Variants in HMG20B observed in about 807,000 individuals in gnomAD.
The protein encoded by HMG20B is high mobility group 20B, also known as SWI/SNF-related matrix-associated actin-dependent regulator of chromatin subfamily E member 1-related.
A neutral mutation model predicts 41.6 loss-of-function variants in HMG20B; 24 were observed. The observed-to-expected ratio is 0.58, with a 90% CI of 0.42 to 0.81. HMG20B has a LOEUF of 0.81. Ranked by LOEUF, HMG20B falls within the 30% of genes least tolerant of loss-of-function variation. The pLI, the probability that HMG20B is intolerant of heterozygous loss-of-function variation, is 0.00. For synonymous variants in HMG20B, 251 were observed against 186.6 expected (o/e 1.34, Z -2.81); for missense variants, 461 against 444.0 (o/e 1.04, Z -0.34).
At position 3,573,335 on chromosome 19, in the gene HMG20B, G is replaced by T; in HGVS notation, c.26G>T (p.Gly9Val). 3 of 1,535,512 alleles carry T rather than the reference G, an allele frequency of 2.0e-6. No individual in the cohort carries two copies. Among genetic ancestry groups the T allele is most frequent in the Non-Finnish European group, 2.6e-6 (3 of 1,143,642 alleles). The change falls in exon 2 of 10, where the codon GGC (glycine) becomes GTC (valine). Residue 9 changes from glycine to valine, a missense_variant. By Grantham distance (109) the Gly-to-Val change is moderately radical. This residue lies in a region of HMG20B where 104 missense variants were observed against 76.5 expected (regional missense o/e 1.36). Transcript: ENST00000333651. ...ATGTCCCACGGCCCCAAGCAGCCCGGCGCGGCCGCCGCGTGAGTGCACTGA... is the reference window on the plus strand; with the variant it reads ...ATGTCCCACGGCCCCAAGCAGCCCGTCGCGGCCGCCGCGTGAGTGCACTGA... Reference protein sequence around the residue: MSHGPKQPGAAAAPAGGKA... With the variant: MSHGPKQPVAAAAPAGGKA...
intron 3 of HMG20B, chr19:3,574,143 A>C: frequency 1.6e-6 from 1 of 615,366 alleles, no homozygotes; most frequent in Non-Finnish European, 2.9e-6. Context: ...GTCAACGCCA[A>C]CCCTGTACTC....
chr19:3,573,847 C>A, intron 3 of HMG20B, 47 bp downstream of exon 3: 1 of 1,500,126 alleles, frequency 6.7e-7, no homozygotes, highest in East Asian at 2.4e-5. Context: ...GCTCCCGCCC[C>A]AGCCTCGAAG....
chr19:3,575,369 C>T, intron 4 of HMG20B, 171 bp from the exon 5 acceptor site: 2 of 1,142,392 alleles, frequency 1.8e-6, no homozygotes, highest in South Asian at 1.6e-5. Context: ...GAGGTGGGAG[C>T]TCGGAGGTCC....
chr19:3,575,998 C>T, intron 5 of HMG20B: 1 of 563,324 alleles, frequency 1.8e-6, no homozygotes, highest in Non-Finnish European at 3.1e-6. Flanking sequence ...CCGGTGCGAG[C>T]AGTTGGGGTC....
chr19:3,573,034 G>T, intron 1 of HMG20B, 40 bp downstream of exon 1: 1 of 408,332 alleles, frequency 2.4e-6, no homozygotes, highest in Non-Finnish European at 4.4e-6. Context: ...GAGAGGGGGC[G>T]GGGGTGCAGG....
rs1460454094 is a variant in HMG20B, at chr19:3,573,694, C to T, written c.41C>T (p.Pro14Leu). The T allele has an allele frequency of 3.3e-6, 5 of 1,501,176 alleles. No individual in the cohort carries two copies. The African/African-American group carries it at 5.7e-5, about 17-fold the overall frequency. 93.0% of individuals were successfully genotyped at this position (1,501,176 alleles called of 1,614,324 possible). The change falls in exon 3 of 10, where the codon CCG (proline) becomes CTG (leucine). Residue 14 changes from proline (P) to leucine (L), a missense_variant and splice_region_variant. By Grantham distance (98) the Pro-to-Leu change is moderately conservative (BLOSUM62 -3). Coordinates refer to ENST00000333651, the MANE Select transcript of HMG20B (RefSeq NM_006339.3). The part of the protein sequence containing the change: ...GPKQPGAAAA[P>L]AGGKAPGQHG... ...GACCGCGGTATCCTTGGCTCCAGGC[C>T]GGCGGGCGGCAAGGCTCCGGGCCAG... is the stretch of plus-strand genomic sequence containing the variant.
chr19:3,575,297 T>A (rs936201891), intron 4 of HMG20B, among the ~76,000 whole-genome samples: 1 of 152,090 alleles, frequency 6.6e-6, no homozygotes, highest in Non-Finnish European at 1.5e-5. Flanking sequence ...TGCCCATGAC[T>A]CTGGCGTCCG....
intron 3 of HMG20B, 98 bp downstream of exon 3, chr19:3,573,898 C>A: frequency 8.8e-7 from 1 of 1,135,526 alleles, no homozygotes; most frequent in Non-Finnish European, 1.3e-6. Flanking sequence ...TGGCTCCGCC[C>A]ACAGCCCATT....
At chr19:3,578,353 A>C (rs1012360008) in intron 9 of HMG20B, 156 bp from the exon 10 acceptor site, 2 of 1,223,306 alleles carry the variant, frequency 1.6e-6, no homozygotes, top group Admixed American at 2.9e-5. Flanking sequence ...CTCAGGGTGG[A>C]TCCCAGCGCC....
At chr19:3,574,262 T>G (rs1349349559) in intron 3 of HMG20B, 121 bp from the exon 4 acceptor site, 5 of 926,634 alleles carry the variant, frequency 5.4e-6, no homozygotes, top group South Asian at 3.2e-5. Flanking sequence ...TTCCGGGTTC[T>G]TCCTCCCAGC....
chr19:3,577,506 C>G (rs1387910681), intron 8 of HMG20B, among the ~76,000 whole-genome samples: 1 of 146,610 alleles, frequency 6.8e-6, no homozygotes, highest in Admixed American at 6.8e-5. Context: ...CCTACCGGCC[C>G]CACCGTCGCT....
In HMG20B at chr19:3,575,679, G is replaced by A. The variant is rs978853034; in HGVS notation, c.472+19G>A. 4 of 1,543,700 alleles carry A rather than the reference G, an allele frequency of 2.6e-6. No homozygotes were observed. Among genetic ancestry groups the A allele is most frequent in the Non-Finnish European group, 2.6e-6 (3 of 1,143,958 alleles). ...AAGAAAGGTGGGAGGGGTCGGGCGC[G>A]GTGGCTCACGCCTGTCATCCCAGCA... is the stretch of plus-strand genomic sequence containing the variant. On this transcript the variant is annotated intron_variant, in intron 5 of 9. Transcript: ENST00000333651.
At position 3,578,622 on chromosome 19, in the gene HMG20B, G is replaced by C; in HGVS notation, c.*101G>C. The C allele has an allele frequency of 6.9e-7, 1 of 1,447,730 alleles. No homozygotes were observed. Among genetic ancestry groups the C allele is most frequent in the Non-Finnish European group, 9.5e-7 (1 of 1,053,590 alleles). 89.7% of individuals were successfully genotyped at this position (1,447,730 alleles called of 1,614,324 possible). A position where few individuals can be genotyped will look rare whatever the true frequency, so the allele number is the denominator to read the frequency against. Reference sequence around the variant, plus strand: ...CTGGGGGTCCACCCTTTGGGGCCTGGTCCCATCCTGCACCTTGGGGGCTCC... The same window carrying C: ...CTGGGGGTCCACCCTTTGGGGCCTGCTCCCATCCTGCACCTTGGGGGCTCC... On this transcript the variant is annotated 3_prime_UTR_variant, in exon 10 of 10. Transcript: ENST00000333651.
chr19:3,574,062 C>G, intron 3 of HMG20B: 1 of 650,500 alleles, frequency 1.5e-6, no homozygotes, highest in East Asian at 2.8e-5. Flanking sequence ...GGCACCCTCC[C>G]CTTGGTCCTG....
chr19:3,576,952 C>T lies in HMG20B; in HGVS notation c.653C>T (p.Ala218Val). ...KMNVAFEEQN[A>V]VLQRHTQSMS... ...AATGTGGCCTTCGAGGAGCAGAACGCGGTACTGCAGAGGCACACGCAGAGC... is the reference window on the plus strand; with the variant it reads ...AATGTGGCCTTCGAGGAGCAGAACGTGGTACTGCAGAGGCACACGCAGAGC... The change falls in exon 8 of 10, where the codon GCG becomes GTG. Residue 218 changes from alanine (A) to valine (V), a missense_variant. Around this residue, in one of 3 missense-constraint regions of HMG20B, gnomAD observed 308 missense variants for 283.4 expected, o/e 1.09. Transcript: ENST00000333651. 6.3e-7 allele frequency: 1 copy of T among 1,583,028 alleles called. No homozygotes were observed. The highest frequency in any genetic ancestry group is 8.6e-7 in the Non-Finnish European group (1 of 1,166,100).
intron 9 of HMG20B, 164 bp from the exon 10 acceptor site, chr19:3,578,345 C>A: frequency 8.4e-7 from 1 of 1,194,868 alleles, no homozygotes; most frequent in Non-Finnish European, 1.2e-6. Flanking sequence ...TAAAGCTTCT[C>A]AGGGTGGATC....
At position 3,573,676 on chromosome 19, in the gene HMG20B, G is replaced by T. The variant is rs1220771567; in HGVS notation, c.39-16G>T. On this transcript the variant is annotated splice_polypyrimidine_tract_variant and intron_variant, in intron 2 of 9. Transcript: ENST00000333651. ...GATTCTTGGGACGGGGCTGACCGCG[G>T]TATCCTTGGCTCCAGGCCGGCGGGC... The T allele has an allele frequency of 1.3e-6, 2 of 1,491,364 alleles. No individual in the cohort carries two copies. Among genetic ancestry groups the T allele is most frequent in the East Asian group, 2.4e-5 (1 of 40,890 alleles). The allele number at this position is 1,491,364 out of a possible 1,614,324, so 92.4% of individuals were successfully genotyped here.
Position 3,574,545 on chromosome 19 carries a change from C to T in HMG20B, c.310C>T (p.Leu104=), listed in dbSNP as rs1408686076. The T allele has an allele frequency of 6.9e-6, 11 of 1,604,692 alleles. No homozygotes were observed. The South Asian group carries it at 1.0e-4, about 15-fold the overall frequency. The change falls in exon 4 of 10, where the codon CTG becomes TTG. Residue 104 remains leucine, a synonymous_variant. Transcript: ENST00000333651. ...DLPFPEITKM[L]GAEWSKLQPT... is the part of the protein sequence containing the mutation. Reference sequence around the variant, plus strand: ...GCCCTTTCCCGAGATCACCAAGATGCTGGGCGCCGAGTGGAGCAAGCTGCA... The same window carrying T: ...GCCCTTTCCCGAGATCACCAAGATGTTGGGCGCCGAGTGGAGCAAGCTGCA...
intron 5 of HMG20B, 158 bp from the exon 6 acceptor site, chr19:3,576,103 G>A: frequency 1.5e-6 from 1 of 655,810 alleles, no homozygotes; most frequent in Non-Finnish European, 2.7e-6. Flanking sequence ...TAGCCAGACA[G>A]GAGTGAAGGG....
Sources: gnomAD v4.1 joint callset for allele counts (sites outside exome capture counted in the v4.1 genomes callset) on GRCh38, gnomAD v4.1.1 for gene constraint, gnomAD v4.1.1 regional missense constraint, MANE v1.5 for transcripts, NCBI Gene and HGNC (gene_info 2026-07-23, HGNC 2026-07-21) for gene names.